F13A1: variants seen among roughly 807,000 people sequenced by gnomAD.
F13A1 encodes the protein coagulation factor XIII A chain.
F13A1 carries 47 observed loss-of-function variants against 80.1 expected under a neutral mutation model. That is an observed-to-expected ratio of 0.59 (90% CI 0.46 to 0.75). F13A1 has a LOEUF of 0.75. Among genes scored for constraint, F13A1 ranks in the 30% least tolerant of loss-of-function variants. F13A1 has a pLI of 0.00. For synonymous variants in F13A1, 349 were observed against 344.9 expected, an observed-to-expected ratio of 1.01 and a Z score of -0.13; for missense variants, 817 against 930.4, an observed-to-expected ratio of 0.88 and a Z score of 1.59.
intron 3 of F13A1, among the ~76,000 whole-genome samples, chr6:6,275,304 G>A (rs974194436): frequency 3.3e-5 from 5 of 152,146 alleles, no homozygotes; most frequent in Non-Finnish European, 5.9e-5. Flanking sequence ...CCCAGGTTTT[G>A]TTCATTCTTG....
At chr6:6,149,177 T>C (rs1224639481) in intron 14 of F13A1, among the ~76,000 whole-genome samples, 1 of 152,162 alleles carries the variant, frequency 6.6e-6, no homozygotes, top group Non-Finnish European at 1.5e-5. Flanking sequence ...TAACAGTAGG[T>C]ATTGTATATT....
intron 6 of F13A1, among the ~76,000 whole-genome samples, chr6:6,239,683 C>G (rs138432396): frequency 6.6e-6 from 1 of 150,672 alleles, no homozygotes; most frequent in Non-Finnish European, 1.5e-5. Flanking sequence ...TACTAATTGA[C>G]AATAATGAGA....
At chr6:6,165,746 G>A (rs768282348) in intron 13 of F13A1, among the ~76,000 whole-genome samples, 3 of 152,208 alleles carry the variant, frequency 2.0e-5, no homozygotes, top group South Asian at 2.1e-4. Context: ...TTAACTTCAC[G>A]TTCTCATGGA....
chr6:6,187,138 G>A (rs1202730785), intron 10 of F13A1, among the ~76,000 whole-genome samples: 1 of 124,840 alleles, frequency 8.0e-6, no homozygotes, highest in African/African-American at 3.3e-5. Flanking sequence ...AGACAATGGG[G>A]TTTTCTAGAT....
rs1561689637 is a variant in F13A1 at position 6,316,077 on chromosome 6, GCATATA to G, written c.130+2452_130+2457del. Among the ~76,000 whole-genome samples the G allele has an allele frequency of 9.7e-4, 48 of 49,648 alleles. 4 individuals are homozygous for G. The highest frequency in any genetic ancestry group is 3.2e-3 in the South Asian group (4 of 1,238). 32.6% of individuals were successfully genotyped at this position (49,648 alleles called of 152,430 possible). The stretch of plus-strand genomic sequence containing the variant: ...GGTTTGTGTGCTGCTATGTGTGTGT[GCATATA>G]TATATATATATATATATATATATAT... On this transcript the variant is annotated intron_variant, in intron 2 of 14. Transcript: ENST00000264870.
intron 3 of F13A1, among the ~76,000 whole-genome samples, chr6:6,273,708 C>T (rs1757951539): frequency 6.6e-6 from 1 of 152,116 alleles, no homozygotes; most frequent in Non-Finnish European, 1.5e-5. Flanking sequence ...CAAATGGGCC[C>T]TTGAAGTATG....
intron 6 of F13A1, among the ~76,000 whole-genome samples, chr6:6,228,975 T>G (rs1286042779): frequency 6.6e-6 from 1 of 152,088 alleles, no homozygotes; most frequent in Non-Finnish European, 1.5e-5. Flanking sequence ...GAGCAGACCC[T>G]AAGCATGATA....
At chr6:6,214,319 A>G (rs183760018) in intron 8 of F13A1, among the ~76,000 whole-genome samples, 18 of 151,994 alleles carry the variant, frequency 1.2e-4, no homozygotes, top group Non-Finnish European at 2.4e-4. Flanking sequence ...CAGAAATTAT[A>G]ACAAACTATG....
At chr6:6,320,151 G>A (rs1447097267) in intron 1 of F13A1, among the ~76,000 whole-genome samples, 1 of 152,210 alleles carries the variant, frequency 6.6e-6, no homozygotes, top group African/African-American at 2.4e-5. Flanking sequence ...TTGGGACGGA[G>A]GCAGGCGATG....
In F13A1 at chr6:6,312,312, T is replaced by C. The variant is rs915308550; in HGVS notation, c.130+6223A>G. 3.3e-5 allele frequency among the ~76,000 whole-genome samples: 5 copies of C among 151,854 alleles called. No individual in the cohort carries two copies. In the East Asian group the frequency reaches 9.6e-4, roughly 29 times the overall value. On this transcript the variant is annotated intron_variant, in intron 2 of 14. Transcript: ENST00000264870. ...CCTCAGGAAAAACATAAAATCACAG[T>C]GGTACTATAAGTGGGGAAAAACTAA...
intron 8 of F13A1, among the ~76,000 whole-genome samples, chr6:6,212,108 G>C (rs991629218): frequency 6.6e-6 from 1 of 152,228 alleles, no homozygotes; most frequent in South Asian, 2.1e-4. Flanking sequence ...GCGGAGGGGC[G>C]CCCGCCATTG....
Position 6,310,156 on chromosome 6 carries a change from T to A in F13A1, c.131-4617A>T, listed in dbSNP as rs553486508. Among the ~76,000 whole-genome samples the A allele has an allele frequency of 6.0e-4, 91 of 152,282 alleles. 1 individual carries two copies. The highest frequency in any genetic ancestry group is 3.4e-3 in the Middle Eastern group (1 of 294). On this transcript the variant is annotated intron_variant, in intron 2 of 14. Transcript: ENST00000264870. Reference sequence around the variant, plus strand: ...AGTTTTATGGGATATTGACAGGTATTGGAAGAATTAGAGCTCCATGTTTAA... The same window carrying A: ...AGTTTTATGGGATATTGACAGGTATAGGAAGAATTAGAGCTCCATGTTTAA...
intron 6 of F13A1, among the ~76,000 whole-genome samples, chr6:6,228,757 G>A (rs1320430241): frequency 7.3e-6 from 1 of 136,930 alleles, no homozygotes; most frequent in African/African-American, 2.8e-5. Flanking sequence ...AAAAAAAGCT[G>A]ATCTTTTTAT....
intron 11 of F13A1, among the ~76,000 whole-genome samples, chr6:6,175,299 C>T (rs1260280599): frequency 3.3e-5 from 5 of 152,190 alleles, no homozygotes; most frequent in Non-Finnish European, 7.3e-5. Flanking sequence ...TAACTTTTCT[C>T]TCTGATTTGT....
At chr6:6,191,699 T>G (rs533809489) in intron 10 of F13A1, among the ~76,000 whole-genome samples, 2 of 152,212 alleles carry the variant, frequency 1.3e-5, no homozygotes, top group Admixed American at 6.5e-5. Context: ...GAGTTTGCTT[T>G]GGTTTGTTTA....
intron 10 of F13A1, among the ~76,000 whole-genome samples, chr6:6,192,696 G>A (rs1417916086): frequency 6.6e-6 from 1 of 152,182 alleles, no homozygotes; most frequent in East Asian, 1.9e-4. Context: ...CCACAGCAGA[G>A]GAGGGCTTAG....
chr6:6,306,072 A>G (rs1440504456), intron 2 of F13A1, among the ~76,000 whole-genome samples: 1 of 152,202 alleles, frequency 6.6e-6, no homozygotes, highest in Non-Finnish European at 1.5e-5. Context: ...AAAAGGGTCA[A>G]ATGCCTCCTC....
intron 4 of F13A1, among the ~76,000 whole-genome samples, chr6:6,261,174 G>A (rs937344783): frequency 1.3e-5 from 2 of 152,122 alleles, no homozygotes; most frequent in African/African-American, 4.8e-5. Flanking sequence ...TCACCATGTT[G>A]ATCAGGCTGA....
rs1757620499 is a variant in F13A1, at chr6:6,250,770, G to C, written c.690+41C>G. 1 of 1,340,432 alleles carries C rather than the reference G, an allele frequency of 7.5e-7. No homozygotes were observed. The allele number at this position is 1,340,432 out of a possible 1,614,324, so 83.0% of individuals were successfully genotyped here. ...GGATACATGTGACAAAAAATATGAA[G>C]TAAAAATGTCCTTGACAATAACAAA... On this transcript the variant is annotated intron_variant, in intron 5 of 14. Coordinates refer to ENST00000264870, the MANE Select transcript of F13A1 (RefSeq NM_000129.4). This position sits in a 1 kb window ranked among gnomAD's most constrained non-coding sequence, Gnocchi z 4.2.
Sources: allele counts gnomAD v4.1 joint callset (sites outside exome capture counted in the v4.1 genomes callset), GRCh38; gene constraint gnomAD v4.1.1; non-coding constraint Gnocchi (gnomAD v3.1); transcripts MANE v1.5; gene names NCBI Gene and HGNC (gene_info 2026-07-23, HGNC 2026-07-21).